Variants in RAP1GDS1 observed in about 807,000 individuals in gnomAD.
The protein encoded by RAP1GDS1 is RAP1, GTP-GDP dissociation stimulator 1.
Under a neutral mutation model 71.1 loss-of-function variants are expected in RAP1GDS1, and 35 were observed. That is an observed-to-expected ratio of 0.49 (90% confidence interval 0.38 to 0.65). RAP1GDS1 has a LOEUF of 0.65. RAP1GDS1 is among the 30% of genes least tolerant of loss of function. The probability of loss-of-function intolerance (pLI) is 0.00; values close to 1 mark genes in which losing one functional copy is unlikely to be tolerated. For synonymous variants in RAP1GDS1, 229 were observed against 243.1 expected (o/e 0.94, Z 0.54); for missense variants, 663 against 706.1 (o/e 0.94, Z 0.69).
At chr4:98,322,999 G>T (rs1189472980) in intron 2 of RAP1GDS1, among the ~76,000 whole-genome samples, 16 of 150,064 alleles carry the variant, frequency 1.1e-4, no homozygotes, top group Non-Finnish European at 2.1e-4. Context: ...TTTTTGAAAG[G>T]ATCAACAAAA....
At chr4:98,319,075 A>G (rs1310086163) in intron 2 of RAP1GDS1, among the ~76,000 whole-genome samples, 1 of 152,204 alleles carries the variant, frequency 6.6e-6, no homozygotes, top group South Asian at 2.1e-4. Context: ...GCCTCTGTAC[A>G]TTAAGTATGT....
Position 98,418,751 on chromosome 4 carries a change from G to T in RAP1GDS1, c.1134G>T (p.Gln378His), listed in dbSNP as rs748326212. 1 of 1,609,554 alleles carries T rather than the reference G, an allele frequency of 6.2e-7. No individual in the cohort carries two copies. Among genetic ancestry groups the T allele is most frequent in the South Asian group, 1.1e-5 (1 of 90,084 alleles). ...TAGAAGATGGAAATGTAACAGTACA[G>T]CATGCAGCACTAAGTGCCCTCAGAA... ...RHVEDGNVTV[Q>H]HAALSALRNL... The change falls in exon 10 of 15, where the codon CAG (glutamine) becomes CAT (histidine). Residue 378 changes from glutamine (Q) to histidine (H), a missense_variant. Transcript: ENST00000408927.
chr4:98,321,674 TC>T (rs1301299947), intron 2 of RAP1GDS1, among the ~76,000 whole-genome samples: 1 of 141,158 alleles, frequency 7.1e-6, no homozygotes, highest in Admixed American at 7.2e-5. Flanking sequence ...AAACTAAGCT[TC>T]ATAAGTGAAG....
In RAP1GDS1 at chr4:98,261,464, T is replaced by A; in HGVS notation, c.-102T>A. Reference sequence around the variant, plus strand: ...CGGCCGCCCCCCGCGGGTCCCTCCCTGGCTGCGGGAGAGACGGAGGTAGAG... The same window carrying A: ...CGGCCGCCCCCCGCGGGTCCCTCCCAGGCTGCGGGAGAGACGGAGGTAGAG... On this transcript the variant is annotated 5_prime_UTR_variant, in exon 1 of 15. Coordinates refer to ENST00000408927, the MANE Select transcript of RAP1GDS1 (RefSeq NM_001100427.2). 5 of 1,256,436 alleles carry A rather than the reference T, an allele frequency of 4.0e-6. No individual in the cohort carries two copies. The highest frequency in any genetic ancestry group is 5.3e-6 in the Non-Finnish European group (5 of 936,248). The allele number at this position is 1,256,436 out of a possible 1,614,324, so 77.8% of individuals were successfully genotyped here.
In RAP1GDS1 at chr4:98,423,535, G is replaced by GT. The variant is rs1426494905; in HGVS notation, c.1440+2148dup. ...GGTTTTTTTGTTTTCTTTATTTTTTGTTTTTTTGTTTTTTCGGGGTTTTTT... is the reference window on the plus strand; with the variant it reads ...GGTTTTTTTGTTTTCTTTATTTTTTGTTTTTTTTGTTTTTTCGGGGTTTTTT... On this transcript the variant is annotated intron_variant, in intron 12 of 14. Coordinates refer to ENST00000408927, the MANE Select transcript of RAP1GDS1 (RefSeq NM_001100427.2). 2.0e-5 allele frequency among the ~76,000 whole-genome samples: 3 copies of GT among 151,870 alleles called. 1 individual carries two copies. Among genetic ancestry groups the GT allele is most frequent in the Non-Finnish European group, 2.9e-5 (2 of 67,944 alleles).
chr4:98,394,148 A>G (rs1304786900), intron 6 of RAP1GDS1, among the ~76,000 whole-genome samples: 2 of 152,192 alleles, frequency 1.3e-5, no homozygotes, highest in Admixed American at 6.5e-5. Flanking sequence ...GCTGTGCTGA[A>G]TAAGAACTTA....
chr4:98,289,820 T>C (rs1726662954), intron 1 of RAP1GDS1, among the ~76,000 whole-genome samples: 1 of 152,138 alleles, frequency 6.6e-6, no homozygotes, highest in Non-Finnish European at 1.5e-5. Flanking sequence ...CTTAATGCCA[T>C]TCATTTTGAG....
intron 14 of RAP1GDS1, among the ~76,000 whole-genome samples, chr4:98,440,549 G>A (rs1044528597): frequency 5.9e-5 from 9 of 152,290 alleles, no homozygotes; most frequent in African/African-American, 2.2e-4. Flanking sequence ...TAATGAGTGT[G>A]AGGTGGCATC....
chr4:98,351,299 AG>A lies in RAP1GDS1; in HGVS notation c.236-1175del, dbSNP rs1221919903. On this transcript the variant is annotated intron_variant, in intron 3 of 14. Coordinates refer to ENST00000408927, the MANE Select transcript of RAP1GDS1 (RefSeq NM_001100427.2). ...GAGTAATAAGTAAGAAAGAGATGATAGGAATTAATTCATTTATTTCGGGACA... is the reference window on the plus strand; with the variant it reads ...GAGTAATAAGTAAGAAAGAGATGATAGAATTAATTCATTTATTTCGGGACA... Among the ~76,000 whole-genome samples, 8 of 152,316 alleles carry A rather than the reference AG, an allele frequency of 5.3e-5. No homozygotes were observed. The South Asian group carries it at 1.7e-3, about 32-fold the overall frequency.
intron 7 of RAP1GDS1, among the ~76,000 whole-genome samples, chr4:98,406,694 A>G (rs1483099147): frequency 6.6e-6 from 1 of 152,096 alleles, no homozygotes; most frequent in Admixed American, 6.6e-5. Flanking sequence ...CACTTCAACT[A>G]CAGAGCTCTT....
intron 1 of RAP1GDS1, among the ~76,000 whole-genome samples, chr4:98,282,431 T>C (rs1725259524): frequency 6.6e-6 from 1 of 152,220 alleles, no homozygotes; most frequent in Non-Finnish European, 1.5e-5. Context: ...TGGTAGTTTA[T>C]ATTTCTGTGG....
intron 4 of RAP1GDS1, among the ~76,000 whole-genome samples, chr4:98,372,991 G>C (rs1238691606): frequency 1.3e-5 from 2 of 152,168 alleles, no homozygotes; most frequent in African/African-American, 4.8e-5. Context: ...TACCTGGCCT[G>C]TTTTTACTTT....
intron 6 of RAP1GDS1, among the ~76,000 whole-genome samples, chr4:98,403,641 C>CAA (rs968230292): frequency 5.9e-5 from 9 of 152,128 alleles, no homozygotes; most frequent in Non-Finnish European, 1.5e-5. Context: ...AATATCAACA[C>CAA]AGAGATGCTG....
chr4:98,289,584 A>C (rs1377143350), intron 1 of RAP1GDS1, among the ~76,000 whole-genome samples: 2 of 151,060 alleles, frequency 1.3e-5, no homozygotes, highest in African/African-American at 2.4e-5. Context: ...AAGAAAGAAA[A>C]GTAGGAAACT....
In RAP1GDS1 at chr4:98,424,490, G is replaced by A. The variant is rs138121471; in HGVS notation, c.1440+3096G>A. Among the ~76,000 whole-genome samples the A allele has an allele frequency of 9.5e-3, 1,448 of 152,278 alleles. 23 individuals are homozygous for A. Among genetic ancestry groups the A allele is most frequent in the African/African-American group, 0.032 (1,319 of 41,552 alleles). On this transcript the variant is annotated intron_variant, in intron 12 of 14. Coordinates refer to ENST00000408927, the MANE Select transcript of RAP1GDS1 (RefSeq NM_001100427.2). The stretch of plus-strand genomic sequence containing the variant: ...AAAGTTTAGAAAACCAGCTGAGTGC[G>A]GTGGCTCACGCCTGTAATCCCAGTA...
chr4:98,310,966 T>A (rs911184425), intron 2 of RAP1GDS1, among the ~76,000 whole-genome samples: 3 of 152,182 alleles, frequency 2.0e-5, no homozygotes, highest in Non-Finnish European at 4.4e-5. Context: ...GCTTCTCAAA[T>A]TTTAGGCTGC....
chr4:98,419,599 T>A (rs568174657), intron 10 of RAP1GDS1, among the ~76,000 whole-genome samples: 2 of 152,214 alleles, frequency 1.3e-5, no homozygotes, highest in Non-Finnish European at 2.9e-5. Flanking sequence ...TACATGATGA[T>A]CCAATCCATT....
intron 2 of RAP1GDS1, among the ~76,000 whole-genome samples, chr4:98,313,091 A>G (rs936532997): frequency 2.7e-5 from 4 of 150,540 alleles, no homozygotes; most frequent in South Asian, 4.2e-4. Flanking sequence ...AAAAAAAAAA[A>G]AAAAAAGAAA....
At chr4:98,404,943 A>G (rs1745914836) in intron 7 of RAP1GDS1, among the ~76,000 whole-genome samples, 1 of 152,188 alleles carries the variant, frequency 6.6e-6, no homozygotes, top group African/African-American at 2.4e-5. Flanking sequence ...AGGCCTGCCA[A>G]CAGTGAAGAT....
Sources: gnomAD v4.1 joint callset for allele counts (sites outside exome capture counted in the v4.1 genomes callset) on GRCh38, gnomAD v4.1.1 for gene constraint, MANE v1.5 for transcripts, NCBI Gene and HGNC (gene_info 2026-07-23, HGNC 2026-07-21) for gene names.